Variants in ALK observed in about 807,000 individuals in gnomAD.
The protein encoded by ALK is ALK tyrosine kinase receptor.
A neutral mutation model predicts 163.1 loss-of-function variants in ALK; 74 were observed. The ratio of observed to expected loss-of-function variants is 0.45; its 90% confidence interval spans 0.38 to 0.55. The LOEUF (loss-of-function observed/expected upper bound fraction) is 0.55. Among genes scored for constraint, ALK ranks in the 20% least tolerant of loss-of-function variants. The pLI is 0.00. For synonymous variants in ALK, 960 were observed against 843.2 expected, an observed-to-expected ratio of 1.14 and a Z score of -2.40; for missense variants, 2,063 against 2,105.3, an observed-to-expected ratio of 0.98 and a Z score of 0.39.
chr2:29,260,614 A>G (rs1343267478), intron 11 of ALK, among the ~76,000 whole-genome samples: 1 of 152,120 alleles, frequency 6.6e-6, no homozygotes, highest in Non-Finnish European at 1.5e-5. Flanking sequence ...AGGCAGGTGG[A>G]TCACCTGAGG....
At chr2:29,408,000 C>T (rs1379671391) in intron 4 of ALK, among the ~76,000 whole-genome samples, 13 of 152,068 alleles carry the variant, frequency 8.5e-5, no homozygotes, top group Admixed American at 8.5e-4. Flanking sequence ...AGATATCCCA[C>T]CATGATCAAA....
chr2:29,472,018 C>T (rs1289141084), intron 4 of ALK, among the ~76,000 whole-genome samples: 1 of 152,224 alleles, frequency 6.6e-6, no homozygotes, highest in African/African-American at 2.4e-5. Flanking sequence ...GCTGGGATTA[C>T]AGGCGTGAGC....
At chr2:29,265,931 G>A (rs535968489) in intron 11 of ALK, among the ~76,000 whole-genome samples, 5 of 152,322 alleles carry the variant, frequency 3.3e-5, no homozygotes, top group African/African-American at 1.2e-4. Context: ...GTTGCAGTGA[G>A]CCAAGATCAC....
chr2:29,515,534 T>C (rs1186700143), intron 4 of ALK, among the ~76,000 whole-genome samples: 1 of 151,844 alleles, frequency 6.6e-6, no homozygotes, highest in Non-Finnish European at 1.5e-5. Flanking sequence ...GTAGGGGTGA[T>C]CCATGGGGTA....
At chr2:29,343,421 C>T (rs1388732928) in intron 5 of ALK, among the ~76,000 whole-genome samples, 3 of 151,532 alleles carry the variant, frequency 2.0e-5, no homozygotes, top group African/African-American at 4.9e-5. Context: ...CCCTATTTTG[C>T]CCAGTCTGAT....
intron 5 of ALK, among the ~76,000 whole-genome samples, chr2:29,333,457 A>AT (rs1558678755): frequency 1.3e-5 from 2 of 151,738 alleles, no homozygotes; most frequent in African/African-American, 2.4e-5. Context: ...TTCCAAATTT[A>AT]TTTTTTAGGG....
At chr2:29,755,484 G>A (rs988234127) in intron 1 of ALK, among the ~76,000 whole-genome samples, 15 of 152,256 alleles carry the variant, frequency 9.9e-5, no homozygotes, top group African/African-American at 3.1e-4. Context: ...TCAGGTAACC[G>A]GAATTTCAAA....
At chr2:29,338,651 G>T (rs1667697437) in intron 5 of ALK, among the ~76,000 whole-genome samples, 1 of 152,166 alleles carries the variant, frequency 6.6e-6, no homozygotes, top group Non-Finnish European at 1.5e-5. Context: ...GTTTATATCT[G>T]CATTGCCAGC....
chr2:29,529,137 C>G (rs1573432527), intron 4 of ALK, among the ~76,000 whole-genome samples: 1 of 152,218 alleles, frequency 6.6e-6, no homozygotes, highest in Non-Finnish European at 1.5e-5. Flanking sequence ...TCCTGCCCCA[C>G]CCGTGCACGA....
chr2:29,408,736 T>C (rs749373413), intron 4 of ALK, among the ~76,000 whole-genome samples: 1 of 152,190 alleles, frequency 6.6e-6, no homozygotes, highest in African/African-American at 2.4e-5. Context: ...AAGTGGGGAA[T>C]GGGCAGATGA....
chr2:29,620,977 C>T (rs1400244100), intron 3 of ALK, among the ~76,000 whole-genome samples: 1 of 152,118 alleles, frequency 6.6e-6, no homozygotes, highest in Non-Finnish European at 1.5e-5. Flanking sequence ...TATCTGCCTC[C>T]AGGGAGAGTT....
chr2:29,587,925 CAACTTTCCCTG>C (rs1351276324), intron 3 of ALK, among the ~76,000 whole-genome samples: 3 of 152,062 alleles, frequency 2.0e-5, no homozygotes, highest in African/African-American at 7.2e-5. Flanking sequence ...TGTGGAAGGC[CAACTTTCCCTG>C]CATCTAACCC....
At chr2:29,457,858 C>T (rs1349831189) in intron 4 of ALK, among the ~76,000 whole-genome samples, 1 of 152,052 alleles carries the variant, frequency 6.6e-6, no homozygotes, top group Non-Finnish European at 1.5e-5. Flanking sequence ...AGGTTAGGTG[C>T]CTTGTACAAG....
chr2:29,713,974 G>A (rs1679178651), intron 2 of ALK, among the ~76,000 whole-genome samples: 1 of 151,922 alleles, frequency 6.6e-6, no homozygotes, highest in South Asian at 2.1e-4. Flanking sequence ...AGGTGGAAAG[G>A]ATACCATCTG....
intron 5 of ALK, among the ~76,000 whole-genome samples, chr2:29,376,020 C>T (rs1668744787): frequency 6.6e-6 from 1 of 152,134 alleles, no homozygotes. Flanking sequence ...AACTCCTCCC[C>T]AACCAGAGAC....
chr2:29,499,986 A>G (rs1672125847), intron 4 of ALK, among the ~76,000 whole-genome samples: 1 of 151,586 alleles, frequency 6.6e-6, no homozygotes, highest in South Asian at 2.1e-4. Flanking sequence ...ACATTGTGAC[A>G]CCCCCATACA....
intron 5 of ALK, among the ~76,000 whole-genome samples, chr2:29,352,650 G>A (rs1001681166): frequency 2.6e-5 from 4 of 152,212 alleles, no homozygotes; most frequent in African/African-American, 4.8e-5. Flanking sequence ...CAGTGAGCAG[G>A]CACTTCCAGA....
chr2:29,858,454 C>T (rs113089617), intron 1 of ALK, among the ~76,000 whole-genome samples: 77 of 151,898 alleles, frequency 5.1e-4, no homozygotes, highest in Middle Eastern at 3.4e-3. Context: ...GGTCTGAGGC[C>T]GGGTGCGGTG....
intron 3 of ALK, among the ~76,000 whole-genome samples, chr2:29,618,236 G>A (rs184960233): frequency 2.8e-4 from 43 of 152,328 alleles, no homozygotes; most frequent in Admixed American, 2.3e-3. Flanking sequence ...CAATCCAGAT[G>A]CAATTATAGT....
Sources: allele counts gnomAD v4.1 joint callset (sites outside exome capture counted in the v4.1 genomes callset), GRCh38; gene constraint gnomAD v4.1.1; transcripts MANE v1.5; gene names NCBI Gene and HGNC (gene_info 2026-07-23, HGNC 2026-07-21).